EPG5: variants seen among roughly 807,000 people sequenced by gnomAD.
EPG5 encodes the protein ectopic P granules protein 5 homolog.
EPG5 carries 159 observed loss-of-function variants against 302.7 expected under a neutral mutation model. The ratio of observed to expected loss-of-function variants is 0.53; its 90% CI spans 0.46 to 0.60. The LOEUF is 0.60. Among genes scored for constraint, EPG5 ranks in the 20% least tolerant of loss-of-function variants. EPG5 has a pLI of 0.00. For synonymous variants in EPG5, 1,158 were observed against 1,136.8 expected (o/e 1.02, Z -0.37); for missense variants, 2,896 against 3,092.4 (o/e 0.94, Z 1.51).
Position 45,954,975 on chromosome 18 carries a change from C to T in EPG5, c.427G>A (p.Glu143Lys), listed in dbSNP as rs2143789664. The part of the protein sequence containing the change: ...ETPKNFTEVE[E>K]NMSVQGGLSE... ...AGTCCACCTTGTACCGACATATTTT[C>T]CTCTACCTCTGTGAAGTTCTTGGGG... Residue 143 changes from glutamate (E) to lysine (K), a missense_variant, in exon 2 of 44, where the codon GAA (glutamate) becomes AAA (lysine). This residue lies in a region of EPG5 where 1,390 missense variants were observed against 1,430.0 expected (regional missense o/e 0.97). Coordinates refer to ENST00000282041, the MANE Select transcript of EPG5 (RefSeq NM_020964.3). 2 of 1,614,098 alleles carry T rather than the reference C, an allele frequency of 1.2e-6. No homozygotes were observed. Among genetic ancestry groups the T allele is most frequent in the African/African-American group, 1.3e-5 (1 of 75,044 alleles).
At chr18:45,919,180 C>T (rs2050096323) in intron 16 of EPG5, among the ~76,000 whole-genome samples, 1 of 152,170 alleles carries the variant, frequency 6.6e-6, no homozygotes, top group Admixed American at 6.5e-5. Flanking sequence ...TCACAAACAA[C>T]TTATGTCCCT....
intron 10 of EPG5, among the ~76,000 whole-genome samples, chr18:45,935,401 G>A (rs1206636238): frequency 6.6e-6 from 1 of 152,210 alleles, no homozygotes; most frequent in African/African-American, 2.4e-5. Context: ...AATTAGCCAA[G>A]CGTGGTGGCG....
intron 43 of EPG5, among the ~76,000 whole-genome samples, chr18:45,854,107 C>T (rs187983183): frequency 6.6e-6 from 1 of 152,248 alleles, no homozygotes; most frequent in Non-Finnish European, 1.5e-5. Context: ...CCACAGGAGA[C>T]GTAGTCTTCT....
In EPG5 at chr18:45,943,599, C is replaced by A. The variant is rs548477097; in HGVS notation, c.1793-288G>T. The stretch of plus-strand genomic sequence containing the variant: ...AAGAGGAGCCTAGAACAGCTAGGCA[C>A]AAGAAACCCGAGTTGGAGCCTACAC... On this transcript the variant is annotated intron_variant, in intron 8 of 43. Coordinates refer to ENST00000282041, the MANE Select transcript of EPG5 (RefSeq NM_020964.3). Among the ~76,000 whole-genome samples, 210 of 152,180 alleles carry A rather than the reference C, an allele frequency of 1.4e-3. 1 individual carries two copies. The highest frequency in any genetic ancestry group is 4.8e-3 in the African/African-American group (199 of 41,528).
chr18:45,952,533 C>A lies in EPG5; in HGVS notation c.1119G>T (p.Glu373Asp), dbSNP rs371484691. 5.6e-5 allele frequency: 91 copies of A among 1,614,020 alleles called. No homozygotes were observed. The highest frequency in any genetic ancestry group is 7.6e-5 in the Non-Finnish European group (90 of 1,180,018). The change falls in exon 3 of 44, where the codon GAG (glutamate) becomes GAT (aspartate). Residue 373 changes from glutamate (E) to aspartate (D), a missense_variant. This residue lies in a region of EPG5 where 1,390 missense variants were observed against 1,430.0 expected (regional missense o/e 0.97). Coordinates refer to ENST00000282041, the MANE Select transcript of EPG5 (RefSeq NM_020964.3). ...GAAGGGCCAGGGTCTGGTGGAGGTG[C>A]TCAGATTTGGCATCGAATAGCTTCT... ...ELKKLFDAKS[E>D]HLHQTLALHS...
chr18:45,839,028 CG>C, the EPG5 span: 1 of 1,574,844 alleles, frequency 6.3e-7, no homozygotes, highest in Non-Finnish European at 8.6e-7. Flanking sequence ...TCCTGCTCGG[CG>C]CTCTCGGCTT....
At chr18:45,866,282 G>A (rs934816847) in intron 38 of EPG5, among the ~76,000 whole-genome samples, 16 of 151,902 alleles carry the variant, frequency 1.1e-4, no homozygotes, top group Non-Finnish European at 1.6e-4. Context: ...ACCATTCCCC[G>A]GCTAATTTTT....
the EPG5 span, among the ~76,000 whole-genome samples, chr18:45,823,205 T>C: frequency 1.3e-5 from 2 of 152,054 alleles, no homozygotes; most frequent in Non-Finnish European, 2.9e-5. Flanking sequence ...AGGAACAGTA[T>C]GGAAGGTGGA....
At chr18:45,951,309 T>A in intron 3 of EPG5, 71 bp from the exon 4 acceptor site, 2 of 1,134,026 alleles carry the variant, frequency 1.8e-6, no homozygotes, top group Non-Finnish European at 2.3e-6. Flanking sequence ...TGTCTTCACT[T>A]AAACCAATAA....
chr18:45,913,576 G>A (rs1266268607), intron 21 of EPG5, 130 bp downstream of exon 21: 1 of 1,121,548 alleles, frequency 8.9e-7, no homozygotes, highest in Non-Finnish European at 1.3e-6. Context: ...TTAAGTATTG[G>A]TTTGGTTGTT....
In EPG5 at chr18:45,954,630, C is replaced by A. The variant is rs1555681647; in HGVS notation, c.772G>T (p.Glu258Ter). ...SQLELVPFTK[E>*]QLKILEPGSW... ...CCAGGCTCCAAGATTTTTAGCTGTTCTTTAGTAAATGGTACTAGTTCCAGT... is the reference window on the plus strand; with the variant it reads ...CCAGGCTCCAAGATTTTTAGCTGTTATTTAGTAAATGGTACTAGTTCCAGT... The change falls in exon 2 of 44, where the codon GAA (glutamate) becomes TAA (stop). Residue 258 changes from glutamate (E) to a stop codon, truncating the protein, a stop_gained. Transcript: ENST00000282041. LOFTEE classifies it high-confidence loss of function. 1 of 1,614,242 alleles carries A rather than the reference C, an allele frequency of 6.2e-7. No individual in the cohort carries two copies. The highest frequency in any genetic ancestry group is 8.5e-7 in the Non-Finnish European group (1 of 1,180,042).
At chr18:45,825,079 C>A in the EPG5 span, among the ~76,000 whole-genome samples, 19 of 141,966 alleles carry the variant, frequency 1.3e-4, no homozygotes, top group Admixed American at 1.1e-3. Flanking sequence ...CTGCCCTCTG[C>A]ATTCTTGACC....
intron 20 of EPG5, 76 bp downstream of exon 20, chr18:45,915,435 G>C: frequency 9.6e-7 from 1 of 1,047,054 alleles, no homozygotes; most frequent in South Asian, 1.4e-5. Flanking sequence ...TAGACAATTA[G>C]TAATTTCTTT....
chr18:45,897,820 T>C (rs2049514088), intron 27 of EPG5, among the ~76,000 whole-genome samples: 2 of 152,040 alleles, frequency 1.3e-5, no homozygotes, highest in South Asian at 2.1e-4. Flanking sequence ...GAAAAGAGTC[T>C]CCCAAGGAAA....
At chr18:45,928,803 T>A in intron 13 of EPG5, 66 bp downstream of exon 13, 1 of 1,491,564 alleles carries the variant, frequency 6.7e-7, no homozygotes, top group Non-Finnish European at 9.2e-7. Flanking sequence ...AACCTTCCTA[T>A]TTTTGCCAAT....
chr18:45,821,626 C>T, the EPG5 span, among the ~76,000 whole-genome samples: 1 of 152,162 alleles, frequency 6.6e-6, no homozygotes, highest in Admixed American at 6.5e-5. Context: ...CAAGCTAAAA[C>T]CTTCTGCATA....
At chr18:45,934,657 G>T in intron 11 of EPG5, 152 bp downstream of exon 11, 1 of 836,912 alleles carries the variant, frequency 1.2e-6, no homozygotes, top group Non-Finnish European at 1.8e-6. Context: ...CATCAAAACT[G>T]TGAAGCAGTC....
chr18:45,942,086 G>A (rs1277677390), intron 9 of EPG5, among the ~76,000 whole-genome samples: 1 of 152,092 alleles, frequency 6.6e-6, no homozygotes, highest in Non-Finnish European at 1.5e-5. Flanking sequence ...TTAGCTGGGC[G>A]TGGTGGCACA....
intron 2 of EPG5, among the ~76,000 whole-genome samples, chr18:45,953,034 A>G (rs1415281720): frequency 6.6e-6 from 1 of 152,046 alleles, no homozygotes; most frequent in Non-Finnish European, 1.5e-5. Flanking sequence ...TTAGCTGGGC[A>G]TGGTGGTGGG....
Sources: allele counts gnomAD v4.1 joint callset (sites outside exome capture counted in the v4.1 genomes callset), GRCh38; gene constraint gnomAD v4.1.1; regional missense constraint gnomAD v4.1.1; transcripts MANE v1.5; gene names NCBI Gene and HGNC (gene_info 2026-07-23, HGNC 2026-07-21).